Variants in SCAMP4 observed in about 807,000 individuals in gnomAD.
The protein encoded by SCAMP4 is secretory carrier-associated membrane protein 4.
Under a neutral mutation model 32.1 loss-of-function variants are expected in SCAMP4, and 19 were observed. That is an observed-to-expected ratio of 0.59 (90% CI 0.41 to 0.87). The LOEUF (loss-of-function observed/expected upper bound fraction) is 0.87, where lower values mean the gene tolerates loss of function less well. SCAMP4 is among the 40% of genes least tolerant of loss of function. The pLI, the probability that SCAMP4 is intolerant of heterozygous loss-of-function variation, is 0.00. For synonymous variants in SCAMP4, 152 were observed against 132.7 expected, an observed-to-expected ratio of 1.15 and a Z score of -1.00; for missense variants, 302 against 309.0, an observed-to-expected ratio of 0.98 and a Z score of 0.17.
In SCAMP4 at chr19:1,925,983, C is replaced by G. The variant is rs1813749504; in HGVS notation, c.*1699C>G. On this transcript the variant is annotated 3_prime_UTR_variant, in exon 7 of 7. Coordinates refer to ENST00000316097, the MANE Select transcript of SCAMP4 (RefSeq NM_079834.4). ...TGGGGTTTTGTTATGTGAAAATATCCTGGAAATAAATACATGTTTCTGCAC... is the reference window on the plus strand; with the variant it reads ...TGGGGTTTTGTTATGTGAAAATATCGTGGAAATAAATACATGTTTCTGCAC... 6.9e-6 allele frequency: 1 copy of G among 145,684 alleles called. No homozygotes were observed. Among genetic ancestry groups the G allele is most frequent in the South Asian group, 2.4e-4 (1 of 4,182 alleles). 9.0% of individuals were successfully genotyped at this position (145,684 alleles called of 1,614,324 possible).
chr19:1,914,050 G>C (rs1289967081), intron 1 of SCAMP4, among the ~76,000 whole-genome samples: 1 of 152,194 alleles, frequency 6.6e-6, no homozygotes, highest in East Asian at 1.9e-4. Context: ...GAGGGTCCCG[G>C]ATGGGGCCAG....
At chr19:1,916,100 T>C (rs2013724517) in intron 2 of SCAMP4, among the ~76,000 whole-genome samples, 1 of 149,696 alleles carries the variant, frequency 6.7e-6, no homozygotes, top group East Asian at 2.0e-4. Flanking sequence ...TAGCTGGGCA[T>C]GGTGGCACAG....
rs1260122200 is a variant in SCAMP4, at chr19:1,908,512, G to A, written c.-42+3073G>A. 1 of 471,016 alleles carries A rather than the reference G, an allele frequency of 2.1e-6. No homozygotes were observed. The highest frequency in any genetic ancestry group is 4.4e-6 in the Non-Finnish European group (1 of 227,060). The allele number at this position is 471,016 out of a possible 1,614,324, so 29.2% of individuals were successfully genotyped here. On this transcript the variant is annotated intron_variant, in intron 1 of 6. Transcript: ENST00000316097. The surrounding 1 kb of genome is among the most constrained non-coding windows in gnomAD (Gnocchi z 4.2). The stretch of plus-strand genomic sequence containing the variant: ...CGGGAGGAGCCGTCCATACCAGCGG[G>A]GATGTGTAGTCCAGGCTGGCAGTTC...
In SCAMP4 at chr19:1,908,649, T is replaced by C. The variant is rs1243549526; in HGVS notation, c.-42+3210T>C. ...GTGAGCACACAGGTAGTAAGGTTTT[T>C]AGGATTTTATTATTATTTATTTATT... On this transcript the variant is annotated intron_variant, in intron 1 of 6. Coordinates refer to ENST00000316097, the MANE Select transcript of SCAMP4 (RefSeq NM_079834.4). This position sits in a 1 kb window ranked among gnomAD's most constrained non-coding sequence, Gnocchi z 4.2. 2.0e-5 allele frequency: 9 copies of C among 450,024 alleles called. No homozygotes were observed. The East Asian group carries it at 6.3e-4, about 32-fold the overall frequency. The allele number at this position is 450,024 out of a possible 1,614,324, so 27.9% of individuals were successfully genotyped here. A position where few individuals can be genotyped will look rare whatever the true frequency, so the allele number is the denominator to read the frequency against.
rs79723530 is a variant in SCAMP4, at chr19:1,914,960, G to C, written c.-41-19G>C. The C allele has an allele frequency of 3.1e-6, 5 of 1,611,488 alleles. No homozygotes were observed. The Admixed American group carries it at 8.3e-5, about 27-fold the overall frequency. On this transcript the variant is annotated intron_variant, in intron 1 of 6. Coordinates refer to ENST00000316097, the MANE Select transcript of SCAMP4 (RefSeq NM_079834.4). ...CAGGGCAGCTCAGGGTTCCCTGACTGTGGTTGTCTTCCTTCCAGGCGGCTG... is the reference window on the plus strand; with the variant it reads ...CAGGGCAGCTCAGGGTTCCCTGACTCTGGTTGTCTTCCTTCCAGGCGGCTG...
chr19:1,912,888 G>T (rs781430687), intron 1 of SCAMP4: 3 of 1,606,450 alleles, frequency 1.9e-6, no homozygotes, highest in Admixed American at 1.7e-5. Context: ...CGCAGGCGCC[G>T]TGCGTAAACT....
At position 1,924,638 on chromosome 19, in the gene SCAMP4, C is replaced by T. The variant is rs1263470325; in HGVS notation, c.*354C>T. On this transcript the variant is annotated 3_prime_UTR_variant, in exon 7 of 7. Transcript: ENST00000316097. The stretch of plus-strand genomic sequence containing the variant: ...GGGGGACAGGTGGCAGCAGGTCGGC[C>T]GCCCTCCCGTCCTCCCAGAGCTGCT... 2.1e-5 allele frequency: 6 copies of T among 291,616 alleles called. No homozygotes were observed. The highest frequency in any genetic ancestry group is 1.4e-4 in the East Asian group (2 of 14,726). 18.1% of individuals were successfully genotyped at this position (291,616 alleles called of 1,614,324 possible).
At chr19:1,910,797 G>C (rs1568762386) in intron 1 of SCAMP4, among the ~76,000 whole-genome samples, 1 of 151,626 alleles carries the variant, frequency 6.6e-6, no homozygotes, top group Non-Finnish European at 1.5e-5. Flanking sequence ...GGCTGGTCTC[G>C]ATCTCGTGGC....
intron 5 of SCAMP4, among the ~76,000 whole-genome samples, chr19:1,919,836 G>A (rs1226719112): frequency 1.3e-5 from 2 of 148,912 alleles, no homozygotes; most frequent in African/African-American, 2.5e-5. Context: ...TTGAGATGGA[G>A]TCGCTCTCTG....
chr19:1,912,216 G>A (rs1260481479), intron 1 of SCAMP4: 3 of 1,593,456 alleles, frequency 1.9e-6, no homozygotes, highest in Non-Finnish European at 1.7e-6. Flanking sequence ...AGGGGACGTG[G>A]AGCTGGTGCT....
intron 5 of SCAMP4, chr19:1,921,975 T>TAA: frequency 2.0e-6 from 2 of 985,452 alleles, no homozygotes; most frequent in Non-Finnish European, 2.4e-6. Context: ...TGTGTGTGCA[T>TAA]AAGCTCCCCG....
chr19:1,921,503 C>CT (rs2013919154), intron 5 of SCAMP4: 1 of 985,318 alleles, frequency 1.0e-6, no homozygotes, highest in Admixed American at 6.1e-5. Flanking sequence ...GCCGCAGCCT[C>CT]TAAGCGGAGC....
intron 5 of SCAMP4, chr19:1,922,450 G>A (rs2013947826): frequency 2.5e-6 from 2 of 792,150 alleles, no homozygotes; most frequent in Non-Finnish European, 1.5e-6. Context: ...GGTCAGGCTG[G>A]TCTCCAGTTC....
intron 5 of SCAMP4, chr19:1,920,670 C>T: frequency 2.0e-6 from 2 of 985,532 alleles, no homozygotes; most frequent in Non-Finnish European, 2.4e-6. Flanking sequence ...CAGGTCAAGG[C>T]ACTGCTCGTC....
At chr19:1,916,946 A>G (rs1353459126) in intron 2 of SCAMP4, among the ~76,000 whole-genome samples, 2 of 152,234 alleles carry the variant, frequency 1.3e-5, no homozygotes, top group African/African-American at 2.4e-5. Flanking sequence ...CCCACACTAA[A>G]CATGGAGGAG....
At chr19:1,920,898 C>G in intron 5 of SCAMP4, 1 of 985,390 alleles carries the variant, frequency 1.0e-6, no homozygotes, top group Non-Finnish European at 1.2e-6. Context: ...CCCCCTCGGC[C>G]CTCGTGCACG....
intron 1 of SCAMP4, chr19:1,912,036 CGCAGCCGCCG>C: frequency 7.1e-7 from 1 of 1,416,238 alleles, no homozygotes; most frequent in East Asian, 2.8e-5. Flanking sequence ...CCCAGCCGCC[CGCAGCCGCCG>C]GATGATCCTC....
chr19:1,917,634 G>C, intron 2 of SCAMP4, 60 bp from the exon 3 acceptor site: 2 of 1,606,054 alleles, frequency 1.2e-6, no homozygotes, highest in Non-Finnish European at 1.7e-6. Flanking sequence ...GAAGGGATGA[G>C]GTGGGGCCTC....
chr19:1,921,630 T>C, intron 5 of SCAMP4: 1 of 985,398 alleles, frequency 1.0e-6, no homozygotes, highest in Non-Finnish European at 1.2e-6. Context: ...CTCAAATGCC[T>C]TTGCCGCTTT....
Sources: gnomAD v4.1 joint callset for allele counts (sites outside exome capture counted in the v4.1 genomes callset) on GRCh38, gnomAD v4.1.1 for gene constraint, Gnocchi (gnomAD v3.1) non-coding constraint, MANE v1.5 for transcripts, NCBI Gene and HGNC (gene_info 2026-07-23, HGNC 2026-07-21) for gene names.